The following DAP3 variants were observed in gnomAD, a reference collection of about 807,000 sequenced individuals.
The protein encoded by DAP3 is small ribosomal subunit protein mS29.
A neutral mutation model predicts 51.9 loss-of-function variants in DAP3; 28 were observed. The observed-to-expected ratio is 0.54, with a 90% confidence interval of 0.40 to 0.74. DAP3 has a LOEUF of 0.74. Among genes scored for constraint, DAP3 ranks in the 30% least tolerant of loss-of-function variants. The pLI is 0.00. For synonymous variants in DAP3, 170 were observed against 170.3 expected (o/e 1.00, Z 0.01); for missense variants, 458 against 483.5 (o/e 0.95, Z 0.49).
chr1:155,720,046 C>T lies in DAP3; in HGVS notation c.169-1471C>T, dbSNP rs1325922014. ...TTCCAGCTTTAAGAGATGAGTGGTC[C>T]AGGTGCAGTGGCTCACGCCTGTAAT... On this transcript the variant is annotated intron_variant, in intron 3 of 12. Coordinates refer to ENST00000368336, the MANE Select transcript of DAP3 (RefSeq NM_004632.4). 3.3e-5 allele frequency among the ~76,000 whole-genome samples: 5 copies of T among 151,972 alleles called. No homozygotes were observed. The East Asian group carries it at 9.6e-4, about 29-fold the overall frequency.
intron 12 of DAP3, among the ~76,000 whole-genome samples, chr1:155,737,771 C>CA (rs61306527): frequency 0.31 from 42,114 of 137,996 alleles, 6,414 homozygotes; most frequent in East Asian, 0.7. Context: ...TTGAAAAAAG[C>CA]AAAAAAAAAA....
chr1:155,700,305 T>G (rs956464164), intron 1 of DAP3, among the ~76,000 whole-genome samples: 3 of 152,230 alleles, frequency 2.0e-5, no homozygotes, highest in Non-Finnish European at 4.4e-5. Context: ...TTCTATGTGA[T>G]TTGCAAATAT....
chr1:155,691,365 A>G (rs1571405855), intron 1 of DAP3, among the ~76,000 whole-genome samples: 1 of 142,336 alleles, frequency 7.0e-6, no homozygotes, highest in Non-Finnish European at 1.5e-5. Context: ...AAATCATACT[A>G]TATGCAACTG....
Position 155,721,605 on chromosome 1 carries a change from G to T in DAP3, c.257G>T (p.Arg86Leu). 3.1e-6 allele frequency: 5 copies of T among 1,613,896 alleles called. No individual in the cohort carries two copies. The highest frequency in any genetic ancestry group is 4.2e-6 in the Non-Finnish European group (5 of 1,179,980). Residue 86 changes from arginine to leucine, a missense_variant, in exon 4 of 13, where the codon CGC (arginine) becomes CTC (leucine). By Grantham distance (102) the Arg-to-Leu change is moderately radical. Transcript: ENST00000368336. ...ETVFPHGLPP[R>L]FVMQVKTFSE... The stretch of plus-strand genomic sequence containing the variant: ...GTATTTCCCCATGGCCTTCCTCCTC[G>T]CTTTGTGATGCAGGTGCTCAAGACA...
In DAP3 at chr1:155,729,214, A is replaced by G. The variant is rs552936757; in HGVS notation, c.691A>G (p.Thr231Ala). 1 of 1,614,236 alleles carries G rather than the reference A, an allele frequency of 6.2e-7. No homozygotes were observed. Among genetic ancestry groups the G allele is most frequent in the Non-Finnish European group, 8.5e-7 (1 of 1,180,040 alleles). ...PLGEVVEQGI[T>A]RVRNATDAVG... is the part of the protein sequence containing the mutation. ...CCACTGTCTCTCCCAATAGGGCATA[A>G]CACGGGTGAGGAACGCCACAGATGC... is the stretch of plus-strand genomic sequence containing the variant. Residue 231 changes from threonine to alanine, a missense_variant, in exon 9 of 13, where the codon ACA becomes GCA. Physicochemically the swap from Thr to Ala is moderately conservative, Grantham distance 58 (BLOSUM62 0). Coordinates refer to ENST00000368336, the MANE Select transcript of DAP3 (RefSeq NM_004632.4).
At chr1:155,731,331 TTCTC>T in intron 9 of DAP3, 21 bp from the exon 10 acceptor site, 1 of 1,611,990 alleles carries the variant, frequency 6.2e-7, no homozygotes, top group Non-Finnish European at 8.5e-7. Context: ...TGATGATCTC[TTCTC>T]TCTTTCTGTC....
upstream of DAP3, chr1:155,688,111 G>T: frequency 1.2e-6 from 2 of 1,610,396 alleles, no homozygotes; most frequent in Non-Finnish European, 1.7e-6. Flanking sequence ...AGGGAAGTGA[G>T]GAAGAGGGGG....
Position 155,731,979 on chromosome 1 carries a change from TG to T in DAP3, c.942del (p.Ser315LeufsTer69). On this transcript the variant is annotated frameshift_variant, in exon 11 of 13. Coordinates refer to ENST00000368336, the MANE Select transcript of DAP3 (RefSeq NM_004632.4). LOFTEE classifies it high-confidence loss of function. ...CCATTGTGTCGGCTTTGAGCCAGAC[TG>T]GGTCTCTCTTTAAGCCCCGGAAAGC... ...GAIVSALSQT[G>X]SLFKPRKAYL... 3 of 1,612,478 alleles carry T rather than the reference TG, an allele frequency of 1.9e-6. No individual in the cohort carries two copies. The highest frequency in any genetic ancestry group is 1.6e-4 in the Middle Eastern group (1 of 6,062).
Position 155,738,348 on chromosome 1 carries a change from AC to A in DAP3, c.*108del. ...ACAGGAAGAGGAGCCAGGCCCTTGTACCTATGGGATTGGACAGGACTGCAGT... is the reference window on the plus strand; with the variant it reads ...ACAGGAAGAGGAGCCAGGCCCTTGTACTATGGGATTGGACAGGACTGCAGT... On this transcript the variant is annotated 3_prime_UTR_variant, in exon 13 of 13. Transcript: ENST00000368336. The A allele has an allele frequency of 8.0e-7, 1 of 1,255,912 alleles. No individual in the cohort carries two copies. The highest frequency in any genetic ancestry group is 1.1e-6 in the Non-Finnish European group (1 of 891,394). 77.8% of individuals were successfully genotyped at this position (1,255,912 alleles called of 1,614,324 possible).
chr1:155,709,272 A>T lies in DAP3; in HGVS notation c.-7-501A>T, dbSNP rs1328106662. On this transcript the variant is annotated intron_variant, in intron 1 of 12. Coordinates refer to ENST00000368336, the MANE Select transcript of DAP3 (RefSeq NM_004632.4). The stretch of plus-strand genomic sequence containing the variant: ...GTGATCCTCCTGCCTCGGCCTTCCG[A>T]GGAGCTGGGACTACAGGCATGCACT... 2.6e-5 allele frequency: 4 copies of T among 152,518 alleles called. 1 individual carries two copies. Among genetic ancestry groups the T allele is most frequent in the Non-Finnish European group, 2.9e-5 (2 of 68,506 alleles). 9.4% of individuals were successfully genotyped at this position (152,518 alleles called of 1,614,324 possible).
intron 2 of DAP3, among the ~76,000 whole-genome samples, chr1:155,714,065 T>C (rs1657042826): frequency 6.6e-6 from 1 of 151,892 alleles, no homozygotes; most frequent in African/African-American, 2.4e-5. Context: ...GAGAGGGAAG[T>C]TGAAGTAGAA....
At chr1:155,688,450 C>A (rs1439870608), upstream of DAP3, 1 of 1,548,998 alleles carries the variant, frequency 6.5e-7, no homozygotes, top group South Asian at 1.2e-5. Flanking sequence ...CCCCGCTTCG[C>A]CCGACTCCGG....
intron 2 of DAP3, among the ~76,000 whole-genome samples, chr1:155,711,432 G>T (rs1042381196): frequency 1.8e-4 from 28 of 152,096 alleles, no homozygotes; most frequent in Non-Finnish European, 3.5e-4. Flanking sequence ...GGTAGAGGTT[G>T]CAGTGAGCCA....
chr1:155,715,019 A>T (rs1479002305), intron 2 of DAP3, among the ~76,000 whole-genome samples: 1 of 151,900 alleles, frequency 6.6e-6, no homozygotes. Context: ...CCTGGCCAAC[A>T]TGGCAAAATC....
chr1:155,723,536 C>T (rs1335192443), intron 4 of DAP3, among the ~76,000 whole-genome samples: 1 of 151,868 alleles, frequency 6.6e-6, no homozygotes, highest in African/African-American at 2.4e-5. Flanking sequence ...GCCATATTGG[C>T]CAGGCTGGTC....
intron 10 of DAP3, 136 bp downstream of exon 10, chr1:155,731,551 G>T: frequency 1.2e-6 from 1 of 808,078 alleles, no homozygotes. Context: ...TTTAATTCCT[G>T]TATCTGTACC....
intron 3 of DAP3, among the ~76,000 whole-genome samples, chr1:155,720,696 A>T (rs1004186382): frequency 1.3e-5 from 2 of 151,844 alleles, no homozygotes; most frequent in Admixed American, 1.3e-4. Context: ...TAAAGACATG[A>T]GTGAATAGCA....
At chr1:155,699,413 G>A (rs537335959) in intron 1 of DAP3, among the ~76,000 whole-genome samples, 1 of 152,274 alleles carries the variant, frequency 6.6e-6, no homozygotes, top group African/African-American at 2.4e-5. Context: ...GAACATAATG[G>A]TGATCAGAAG....
In DAP3 at chr1:155,721,622, C is replaced by A; in HGVS notation, c.270+4C>A. 1.2e-6 allele frequency: 2 copies of A among 1,613,932 alleles called. No homozygotes were observed. Among genetic ancestry groups the A allele is most frequent in the Non-Finnish European group, 1.7e-6 (2 of 1,179,932 alleles). On this transcript the variant is annotated splice_donor_region_variant and intron_variant, in intron 4 of 12. Coordinates refer to ENST00000368336, the MANE Select transcript of DAP3 (RefSeq NM_004632.4). ...TCCTCCTCGCTTTGTGATGCAGGTG[C>A]TCAAGACAGGGAATGGAATTGGAGG...
Sources: gnomAD v4.1 joint callset for allele counts (sites outside exome capture counted in the v4.1 genomes callset) on GRCh38, gnomAD v4.1.1 for gene constraint, MANE v1.5 for transcripts, NCBI Gene and HGNC (gene_info 2026-07-23, HGNC 2026-07-21) for gene names.